CEP126: variants seen among roughly 807,000 people sequenced by gnomAD.
CEP126 encodes the protein centrosomal protein of 126 kDa.
In CEP126, 74 loss-of-function variants were observed where a neutral mutation model predicts 107.8. The ratio of observed to expected loss-of-function variants is 0.69; its 90% CI spans 0.57 to 0.83. The LOEUF (loss-of-function observed/expected upper bound fraction) is 0.83, where lower values mean the gene tolerates loss of function less well. Among genes scored for constraint, CEP126 ranks in the 40% least tolerant of loss-of-function variants. The pLI, the probability that CEP126 is intolerant of heterozygous loss-of-function variation, is 0.00. For missense variants in CEP126, 1,237 were observed against 1,281.9 expected, an observed-to-expected ratio of 0.96 and a Z score of 0.53; for synonymous variants, 449 against 446.0, an observed-to-expected ratio of 1.01 and a Z score of -0.08.
At chr11:101,938,803 CT>C (rs1195956347) in intron 2 of CEP126, among the ~76,000 whole-genome samples, 7 of 151,970 alleles carry the variant, frequency 4.6e-5, no homozygotes, top group Admixed American at 3.9e-4. Context: ...TTTTACTTCT[CT>C]TTAGATTTTT....
intron 9 of CEP126, 72 bp from the exon 10 acceptor site, chr11:101,992,706 G>T: frequency 1.2e-6 from 1 of 860,126 alleles, no homozygotes; most frequent in South Asian, 2.0e-5. Context: ...TTTAATATTT[G>T]ATTCTTTAGT....
intron 8 of CEP126, among the ~76,000 whole-genome samples, chr11:101,985,535 G>A (rs966617440): frequency 9.9e-5 from 15 of 151,902 alleles, no homozygotes; most frequent in South Asian, 2.1e-4. Context: ...CACCCACTTC[G>A]GCCTCCCAAA....
rs371228351 is a variant in CEP126, at chr11:101,958,195, A to T, written c.534A>T (p.Ala178=). 1 of 1,613,822 alleles carries T rather than the reference A, an allele frequency of 6.2e-7. No homozygotes were observed. Among genetic ancestry groups the T allele is most frequent in the Non-Finnish European group, 8.5e-7 (1 of 1,179,906 alleles). Residue 178 remains alanine, a synonymous_variant, in exon 5 of 11, where the codon GCA becomes GCT. Coordinates refer to ENST00000263468, the MANE Select transcript of CEP126 (RefSeq NM_020802.4). Reference sequence around the variant, plus strand: ...CTATAGATTCTGCCTTGCCTTCCGCATTATCAAAAAATGATCACAAGCATC... The same window carrying T: ...CTATAGATTCTGCCTTGCCTTCCGCTTTATCAAAAAATGATCACAAGCATC... ...WRAIDSALPS[A]LSKNDHKHQK...
chr11:101,997,824 A>C lies in CEP126; in HGVS notation c.*181A>C, dbSNP rs922682688. 2 of 727,728 alleles carry C rather than the reference A, an allele frequency of 2.7e-6. No homozygotes were observed. Among genetic ancestry groups the C allele is most frequent in the South Asian group, 1.9e-5 (1 of 51,832 alleles). 45.1% of individuals were successfully genotyped at this position (727,728 alleles called of 1,614,324 possible). On this transcript the variant is annotated 3_prime_UTR_variant, in exon 11 of 11. Coordinates refer to ENST00000263468, the MANE Select transcript of CEP126 (RefSeq NM_020802.4). ...GCAGTGACATTTAACAAAGCAGTGAAGTTTAACAGAGTTCTGAGAATACCA... is the reference window on the plus strand; with the variant it reads ...GCAGTGACATTTAACAAAGCAGTGACGTTTAACAGAGTTCTGAGAATACCA...
At chr11:101,955,983 CA>C (rs1368369665) in intron 4 of CEP126, 1 of 456,396 alleles carries the variant, frequency 2.2e-6, no homozygotes, top group African/African-American at 2.0e-5. Flanking sequence ...AAGACCTTTG[CA>C]CCAGTCCCAT....
intron 10 of CEP126, among the ~76,000 whole-genome samples, chr11:101,997,108 G>C (rs553965724): frequency 2.0e-5 from 3 of 152,306 alleles, no homozygotes; most frequent in Admixed American, 1.3e-4. Context: ...AGCAATCTCA[G>C]CTTACTGCAA....
At chr11:101,952,000 G>A (rs1225596967) in intron 4 of CEP126, among the ~76,000 whole-genome samples, 4 of 152,138 alleles carry the variant, frequency 2.6e-5, no homozygotes, top group Non-Finnish European at 5.9e-5. Flanking sequence ...TCATGTTGGA[G>A]GTATTCAATA....
At chr11:101,953,913 C>T (rs1483989500) in intron 4 of CEP126, among the ~76,000 whole-genome samples, 1 of 151,980 alleles carries the variant, frequency 6.6e-6, no homozygotes, top group Non-Finnish European at 1.5e-5. Context: ...AAATTCTAAA[C>T]CAGTTAATGT....
intron 6 of CEP126, among the ~76,000 whole-genome samples, chr11:101,974,675 A>G (rs1201518918): frequency 1.3e-5 from 2 of 152,170 alleles, no homozygotes; most frequent in African/African-American, 4.8e-5. Context: ...TAGTGAAACT[A>G]TCCTATCTAG....
At position 101,973,371 on chromosome 11, in the gene CEP126, A is replaced by G. The variant is rs1218832431; in HGVS notation, c.2846-4976A>G. 2.6e-5 allele frequency among the ~76,000 whole-genome samples: 4 copies of G among 152,236 alleles called. No homozygotes were observed. The East Asian group carries it at 7.7e-4, about 29-fold the overall frequency. On this transcript the variant is annotated intron_variant, in intron 6 of 10. Transcript: ENST00000263468. ...ACGAGATCATGTCCTTTGCAAGGAC[A>G]TGGATGAAGCTTGAAGCCATTATCC...
intron 8 of CEP126, 101 bp from the exon 9 acceptor site, chr11:101,986,731 C>T (rs1481500187): frequency 2.6e-6 from 2 of 780,200 alleles, no homozygotes; most frequent in Admixed American, 4.5e-5. Context: ...AATATGAATA[C>T]ATACAGACAG....
At position 101,915,366 on chromosome 11, in the gene CEP126, C is replaced by G. The variant is rs748048053; in HGVS notation, c.82C>G (p.Leu28Val). The part of the protein sequence containing the change: ...ESSDNLDRAP[L>V]GPRESGGHHR... ...ATCGGACAACCTCGACAGAGCCCCC[C>G]TCGGCCCTCGGGAGAGCGGCGGGCA... Residue 28 changes from leucine to valine, a missense_variant, in exon 1 of 11, where the codon CTC (leucine) becomes GTC (valine). By Grantham distance (32) the Leu-to-Val change is conservative (BLOSUM62 1). Coordinates refer to ENST00000263468, the MANE Select transcript of CEP126 (RefSeq NM_020802.4). 12 of 1,613,984 alleles carry G rather than the reference C, an allele frequency of 7.4e-6. 1 individual carries two copies. The highest frequency in any genetic ancestry group is 1.1e-5 in the South Asian group (1 of 91,084).
At chr11:101,964,697 A>G (rs909318263) in intron 6 of CEP126, among the ~76,000 whole-genome samples, 6 of 151,956 alleles carry the variant, frequency 3.9e-5, no homozygotes, top group Admixed American at 6.6e-5. Flanking sequence ...TAAGAGAATG[A>G]CCCAACCAGT....
chr11:101,932,988 CATTT>C lies in CEP126; in HGVS notation c.248+10232_248+10235del, dbSNP rs1326153858. On this transcript the variant is annotated intron_variant, in intron 2 of 10. Transcript: ENST00000263468. ...TATTTGAAGTTGACATATGGTCAAA[CATTT>C]ATTAAACAATTATTTATTAAGCATC... Among the ~76,000 whole-genome samples, 14 of 152,218 alleles carry C rather than the reference CATTT, an allele frequency of 9.2e-5. No homozygotes were observed. The East Asian group carries it at 2.5e-3, about 27-fold the overall frequency.
chr11:101,945,614 G>A (rs1157297656), intron 3 of CEP126, among the ~76,000 whole-genome samples: 1 of 152,146 alleles, frequency 6.6e-6, no homozygotes, highest in African/African-American at 2.4e-5. Flanking sequence ...TCCTGTGGTA[G>A]GCAGTCAAGA....
chr11:101,990,260 T>C (rs574807704), intron 9 of CEP126, among the ~76,000 whole-genome samples: 27 of 152,204 alleles, frequency 1.8e-4, no homozygotes, highest in Middle Eastern at 3.4e-3. Flanking sequence ...AAACCCTTCC[T>C]CAGTAGTGCA....
chr11:101,933,776 T>G (rs1175481233), intron 2 of CEP126, among the ~76,000 whole-genome samples: 1 of 151,768 alleles, frequency 6.6e-6, no homozygotes, highest in Non-Finnish European at 1.5e-5. Flanking sequence ...ACAGTGCTTT[T>G]GGGAAGAAAG....
At chr11:101,935,815 T>C (rs1188747152) in intron 2 of CEP126, among the ~76,000 whole-genome samples, 3 of 152,046 alleles carry the variant, frequency 2.0e-5, no homozygotes, top group East Asian at 1.9e-4. Context: ...GGATGAAGTA[T>C]AGGATGTTTA....
At chr11:101,933,306 G>A (rs948056239) in intron 2 of CEP126, among the ~76,000 whole-genome samples, 1 of 152,086 alleles carries the variant, frequency 6.6e-6, no homozygotes, top group African/African-American at 2.4e-5. Context: ...GGATTCCATG[G>A]GAAAACAAAT....
Sources: gnomAD v4.1 joint callset for allele counts (sites outside exome capture counted in the v4.1 genomes callset) on GRCh38, gnomAD v4.1.1 for gene constraint, MANE v1.5 for transcripts, NCBI Gene and HGNC (gene_info 2026-07-23, HGNC 2026-07-21) for gene names.